WDPCP: variants seen among roughly 807,000 people sequenced by gnomAD.
WDPCP encodes WD repeat-containing and planar cell polarity effector protein fritz homolog.
In WDPCP, 71 loss-of-function variants were observed where a neutral mutation model predicts 93.1. The observed-to-expected ratio is 0.76, with a 90% confidence interval of 0.63 to 0.93. WDPCP has a LOEUF of 0.93. Ranked by LOEUF, WDPCP falls within the 40% of genes least tolerant of loss-of-function variation. The probability of loss-of-function intolerance (pLI) is 0.00; values close to 1 mark genes in which losing one functional copy is unlikely to be tolerated. For synonymous variants in WDPCP, 315 were observed against 315.0 expected, an observed-to-expected ratio of 1.00 and a Z score of 0.00; for missense variants, 844 against 887.4, an observed-to-expected ratio of 0.95 and a Z score of 0.62.
intron 9 of WDPCP, among the ~76,000 whole-genome samples, chr2:63,424,021 T>C (rs1205209491): frequency 5.9e-5 from 9 of 152,066 alleles, no homozygotes; most frequent in African/African-American, 1.9e-4. Flanking sequence ...GAACCCTGCA[T>C]AGGACTGCTG....
At chr2:63,153,263 C>A (rs548319391) in intron 16 of WDPCP, 1 of 568,170 alleles carries the variant, frequency 1.8e-6, no homozygotes, top group Non-Finnish European at 3.1e-6. Flanking sequence ...GAATCAGAAT[C>A]AACTTTTTAA....
At chr2:63,536,312 A>C (rs974497854) in intron 1 of WDPCP, among the ~76,000 whole-genome samples, 1 of 152,204 alleles carries the variant, frequency 6.6e-6, no homozygotes, top group East Asian at 1.9e-4. Flanking sequence ...CGATTCCTCA[A>C]GGATCTAGAA....
At chr2:63,296,845 A>T (rs938681076) in intron 13 of WDPCP, among the ~76,000 whole-genome samples, 2 of 152,240 alleles carry the variant, frequency 1.3e-5, no homozygotes, top group Admixed American at 6.5e-5. Context: ...AAAAATCAGT[A>T]TTGTTAAAAT....
At chr2:63,679,219 C>G (rs925885592) in intron 2 of WDPCP, among the ~76,000 whole-genome samples, 1 of 152,074 alleles carries the variant, frequency 6.6e-6, no homozygotes, top group Non-Finnish European at 1.5e-5. Context: ...TCCCTTCCCT[C>G]AGGTTAAACT....
intron 15 of WDPCP, among the ~76,000 whole-genome samples, chr2:63,160,743 C>A (rs977765870): frequency 9.2e-5 from 14 of 152,090 alleles, no homozygotes; most frequent in Non-Finnish European, 2.9e-5. Context: ...TTCACAACCC[C>A]TAATAAAATA....
intron 2 of WDPCP, among the ~76,000 whole-genome samples, chr2:63,694,146 G>A (rs1257317351): frequency 6.6e-6 from 1 of 152,028 alleles, no homozygotes; most frequent in Non-Finnish European, 1.5e-5. Context: ...TCTGTTTTAT[G>A]GTATAGAAAA....
intron 17 of WDPCP, among the ~76,000 whole-genome samples, chr2:63,145,122 C>G (rs1671392952): frequency 2.0e-5 from 3 of 152,140 alleles, no homozygotes; most frequent in Admixed American, 2.0e-4. Flanking sequence ...CTATGGGTCT[C>G]TCATTCATGG....
At chr2:63,563,465 T>C (rs1706784861) in intron 1 of WDPCP, among the ~76,000 whole-genome samples, 1 of 151,996 alleles carries the variant, frequency 6.6e-6, no homozygotes. Flanking sequence ...TAAAGCCACA[T>C]ATTGTATAAT....
At chr2:63,278,777 G>T (rs1683277005) in intron 13 of WDPCP, among the ~76,000 whole-genome samples, 1 of 152,208 alleles carries the variant, frequency 6.6e-6, no homozygotes, top group Non-Finnish European at 1.5e-5. Context: ...AGTGAGCCAA[G>T]ATCATGCCAC....
chr2:63,427,755 C>T (rs1191724077), intron 9 of WDPCP, among the ~76,000 whole-genome samples: 4 of 151,948 alleles, frequency 2.6e-5, no homozygotes, highest in African/African-American at 9.7e-5. Flanking sequence ...AATTGAAACA[C>T]AAAAATCCAT....
chr2:63,753,202 C>T (rs1402304699), intron 2 of WDPCP, among the ~76,000 whole-genome samples: 10 of 152,064 alleles, frequency 6.6e-5, no homozygotes, highest in South Asian at 2.1e-4. Flanking sequence ...GAGGCCGAGG[C>T]GGGCGGGTCA....
At chr2:63,364,440 A>G (rs1690736450) in intron 12 of WDPCP, among the ~76,000 whole-genome samples, 1 of 152,126 alleles carries the variant, frequency 6.6e-6, no homozygotes, top group African/African-American at 2.4e-5. Flanking sequence ...TCAAATACAT[A>G]TTTCTAATTG....
At chr2:63,433,959 C>T (rs752962549) in intron 8 of WDPCP, 23 bp from the exon 9 acceptor site, 1 of 1,608,556 alleles carries the variant, frequency 6.2e-7, no homozygotes, top group Non-Finnish European at 8.5e-7. Flanking sequence ...AAAAAGCATA[C>T]ATGAAACATT....
intron 14 of WDPCP, among the ~76,000 whole-genome samples, chr2:63,199,401 A>G (rs1267178840): frequency 6.6e-6 from 1 of 152,160 alleles, no homozygotes; most frequent in East Asian, 1.9e-4. Context: ...GGAGGGAAGA[A>G]TAGTTTTGTG....
chr2:63,127,527 A>G (rs1265736975), intron 17 of WDPCP, among the ~76,000 whole-genome samples: 1 of 151,936 alleles, frequency 6.6e-6, no homozygotes, highest in East Asian at 1.9e-4. Flanking sequence ...CATCAAGTAA[A>G]TTGATAAACT....
At chr2:63,189,542 A>G (rs1048637169) in intron 14 of WDPCP, among the ~76,000 whole-genome samples, 4 of 152,186 alleles carry the variant, frequency 2.6e-5, no homozygotes, top group African/African-American at 9.7e-5. Flanking sequence ...TCACTTATGT[A>G]TATTATTTCC....
intron 3 of WDPCP, chr2:63,604,850 G>A: frequency 6.2e-7 from 1 of 1,614,132 alleles, no homozygotes; most frequent in Non-Finnish European, 8.5e-7. Context: ...GATGACAGCT[G>A]GCTCAAGGGA....
At chr2:63,284,816 C>A (rs914484687) in intron 13 of WDPCP, among the ~76,000 whole-genome samples, 4 of 152,146 alleles carry the variant, frequency 2.6e-5, no homozygotes, top group Non-Finnish European at 5.9e-5. Context: ...TATTTTTAGA[C>A]TGCAGTTGAC....
At chr2:63,808,421 C>T (rs1016692961) in intron 2 of WDPCP, among the ~76,000 whole-genome samples, 3 of 150,490 alleles carry the variant, frequency 2.0e-5, no homozygotes, top group African/African-American at 4.9e-5. Flanking sequence ...GCTGCCATCT[C>T]GGCTCACTGC....
Sources: gnomAD v4.1 joint callset for allele counts (sites outside exome capture counted in the v4.1 genomes callset) on GRCh38, gnomAD v4.1.1 for gene constraint, MANE v1.5 for transcripts, NCBI Gene and HGNC (gene_info 2026-07-23, HGNC 2026-07-21) for gene names.